FADS6: variants seen among roughly 807,000 people sequenced by gnomAD.
FADS6 encodes fatty acid desaturase 6, also known as fatty acid desaturase domain family, member 6.
FADS6 carries 28 observed loss-of-function variants against 31.7 expected under a neutral mutation model. That is an observed-to-expected ratio of 0.88 (90% CI 0.66 to 1.21). The LOEUF (loss-of-function observed/expected upper bound fraction) is 1.21. FADS6 is among the 50% of genes most tolerant of loss of function. FADS6 has a pLI of 0.00. For missense variants in FADS6, 494 were observed against 504.2 expected, an observed-to-expected ratio of 0.98 and a Z score of 0.19; for synonymous variants, 191 against 213.1, an observed-to-expected ratio of 0.90 and a Z score of 0.90.
In FADS6 at chr17:74,892,716, G is replaced by A. The variant is rs752678800; in HGVS notation, c.245-27C>T. ...TGCGTGGAGAGGAGGAAGAAGACGG[G>A]TCTTTCTCTAGCTCTGGGTGATCTG... is the stretch of plus-strand genomic sequence containing the variant. On this transcript the variant is annotated intron_variant, in intron 1 of 5. Coordinates refer to ENST00000612771, the MANE Select transcript of FADS6 (RefSeq NM_178128.6). The A allele has an allele frequency of 8.2e-6, 13 of 1,592,822 alleles. 1 individual carries two copies. The Admixed American group carries it at 2.3e-4, about 28-fold the overall frequency.
At position 74,881,239 on chromosome 17, in the gene FADS6, C is replaced by T; in HGVS notation, c.609G>A (p.Val203=). 6.3e-7 allele frequency: 1 copy of T among 1,598,880 alleles called. No homozygotes were observed. The highest frequency in any genetic ancestry group is 8.5e-7 in the Non-Finnish European group (1 of 1,173,370). ...PLVAVERLRK[V]ELGTALRTLA... ...GCGTCCGCAGGGCTGTCCCGAGCTCCACCTTCCTCAGCCGCTCTGCCATAG... is the reference window on the plus strand; with the variant it reads ...GCGTCCGCAGGGCTGTCCCGAGCTCTACCTTCCTCAGCCGCTCTGCCATAG... The change falls in exon 4 of 6, where the codon GTG becomes GTA. Residue 203 remains valine (V), a synonymous_variant. Coordinates refer to ENST00000612771, the MANE Select transcript of FADS6 (RefSeq NM_178128.6).
At chr17:74,889,870 CAAAAAAAAAA>C (rs59381032) in intron 2 of FADS6, among the ~76,000 whole-genome samples, 22 of 53,522 alleles carry the variant, frequency 4.1e-4, no homozygotes, top group Admixed American at 5.7e-4. Flanking sequence ...GACTCAGTCT[CAAAAAAAAAA>C]AAAAAAAAAA....
intron 2 of FADS6, among the ~76,000 whole-genome samples, chr17:74,888,081 T>G (rs1366147945): frequency 2.0e-5 from 3 of 151,710 alleles, no homozygotes; most frequent in Non-Finnish European, 4.4e-5. Flanking sequence ...TTCACAGTTA[T>G]GTCCCCAGCA....
At chr17:74,882,982 GC>G in intron 2 of FADS6, 1 of 693,346 alleles carries the variant, frequency 1.4e-6, no homozygotes, top group Non-Finnish European at 2.3e-6. Flanking sequence ...GTGCCAATCT[GC>G]CAGTGACTGC....
intron 1 of FADS6, among the ~76,000 whole-genome samples, chr17:74,892,960 T>A (rs1177724477): frequency 1.3e-5 from 2 of 152,014 alleles, no homozygotes; most frequent in Non-Finnish European, 2.9e-5. Context: ...GTACCATGGG[T>A]GTTCCAGACC....
intron 4 of FADS6, among the ~76,000 whole-genome samples, chr17:74,880,344 C>CATT (rs1454125358): frequency 4.0e-5 from 6 of 151,854 alleles, no homozygotes; most frequent in Non-Finnish European, 5.9e-5. Context: ...AAGCTCACTT[C>CATT]ATTATTATTA....
Position 74,879,568 on chromosome 17 carries a change from T to C in FADS6, c.796A>G (p.Met266Val). The C allele has an allele frequency of 3.1e-6, 5 of 1,612,504 alleles. No individual in the cohort carries two copies. Among genetic ancestry groups the C allele is most frequent in the Non-Finnish European group, 4.2e-6 (5 of 1,179,684 alleles). ...CGGGGCTTGTTGTCCCGGGAGAACA[T>C]GGGCAGTCCGATGTGCTGTGACAGA... The part of the protein sequence containing the change: ...VNIFQHIGLP[M>V]FSRDNKPRRI... Residue 266 changes from methionine to valine, a missense_variant, in exon 5 of 6, where the codon ATG becomes GTG. Physicochemically the swap from Met to Val is conservative, Grantham distance 21. Transcript: ENST00000612771.
chr17:74,888,147 CACACA>C (rs2038646201), intron 2 of FADS6, among the ~76,000 whole-genome samples: 2 of 93,974 alleles, frequency 2.1e-5, no homozygotes, highest in Non-Finnish European at 4.1e-5. Flanking sequence ...CACACACACA[CACACA>C]CACGCGCGCG....
chr17:74,876,834 C>T (rs2038511337), downstream of FADS6, among the ~76,000 whole-genome samples: 1 of 152,016 alleles, frequency 6.6e-6, no homozygotes, highest in Admixed American at 6.6e-5. Context: ...GGTGAGAGAC[C>T]CTGTTTTCAA....
At chr17:74,885,571 G>A (rs1057123200) in intron 2 of FADS6, among the ~76,000 whole-genome samples, 1 of 151,836 alleles carries the variant, frequency 6.6e-6, no homozygotes, top group Admixed American at 6.6e-5. Flanking sequence ...CCCCTCTGAC[G>A]ACCCTCAATC....
chr17:74,892,668 T>C lies in FADS6; in HGVS notation c.266A>G (p.Glu89Gly), dbSNP rs780401035. 1.9e-6 allele frequency: 3 copies of C among 1,612,698 alleles called. No individual in the cohort carries two copies. Among genetic ancestry groups the C allele is most frequent in the Non-Finnish European group, 2.5e-6 (3 of 1,179,428 alleles). ...LPAGFLCLRW[E>G]NALVFASGIT... ...GCCGGATGCAAAGACCAGGGCATTC[T>C]CCCAGCGCAGGCACAGGAAGCCTGC... The change falls in exon 2 of 6, where the codon GAG becomes GGG. Residue 89 changes from glutamate (E) to glycine (G), a missense_variant. This residue lies in a region of FADS6 where 454 missense variants were observed against 438.5 expected (regional missense o/e 1.04). Coordinates refer to ENST00000612771, the MANE Select transcript of FADS6 (RefSeq NM_178128.6).
intron 5 of FADS6, 31 bp from the exon 6 acceptor site, chr17:74,878,508 G>T: frequency 6.2e-7 from 1 of 1,610,546 alleles, no homozygotes; most frequent in South Asian, 1.1e-5. Flanking sequence ...GAGGGCCTAT[G>T]AGCAGGGGCT....
At chr17:74,892,759 C>G in intron 1 of FADS6, 70 bp from the exon 2 acceptor site, 1 of 1,451,032 alleles carries the variant, frequency 6.9e-7, no homozygotes, top group South Asian at 1.4e-5. Context: ...ATACCTCAAC[C>G]CTTACCCTGG....
rs1239824030 is a variant in FADS6 at position 74,882,888 on chromosome 17, AC to A, written c.412-179del. The A allele has an allele frequency of 2.7e-6, 4 of 1,463,048 alleles. No homozygotes were observed. In the African/African-American group the frequency reaches 5.6e-5, roughly 20 times the overall value. The allele number at this position is 1,463,048 out of a possible 1,614,324, so 90.6% of individuals were successfully genotyped here. ...CATCAACTCTCAGGTATCTATGACC[AC>A]GGAGTGGCAGCCAGTCAATACAATC... On this transcript the variant is annotated intron_variant, in intron 2 of 5. Transcript: ENST00000612771.
rs1385153723 is a variant in FADS6 at position 74,877,887 on chromosome 17, C to T, written c.*444G>A. On this transcript the variant is annotated 3_prime_UTR_variant, in exon 6 of 6. Coordinates refer to ENST00000612771, the MANE Select transcript of FADS6 (RefSeq NM_178128.6). ...GCCTGAAGGAAGCAATAGCCAAGGCCGTGTGGGGCTCTCCCAATGCCAGGG... is the reference window on the plus strand; with the variant it reads ...GCCTGAAGGAAGCAATAGCCAAGGCTGTGTGGGGCTCTCCCAATGCCAGGG... 45 of 989,116 alleles carry T rather than the reference C, an allele frequency of 4.5e-5. No homozygotes were observed. Among genetic ancestry groups the T allele is most frequent in the Admixed American group, 6.1e-5 (1 of 16,486 alleles). 61.3% of individuals were successfully genotyped at this position (989,116 alleles called of 1,614,324 possible).
intron 2 of FADS6, among the ~76,000 whole-genome samples, chr17:74,888,144 A>ACGCGCGCGCG (rs756023723): frequency 3.5e-5 from 4 of 113,824 alleles, no homozygotes; most frequent in Non-Finnish European, 7.0e-5. Flanking sequence ...ACACACACAC[A>ACGCGCGCGCG]CACACACACA....
At chr17:74,880,214 C>T (rs1447220659) in intron 4 of FADS6, among the ~76,000 whole-genome samples, 1 of 152,108 alleles carries the variant, frequency 6.6e-6, no homozygotes, top group Admixed American at 6.6e-5. Flanking sequence ...GAGCCCTGGC[C>T]TCCCGTGAGG....
At chr17:74,888,990 G>T (rs1346240944) in intron 2 of FADS6, among the ~76,000 whole-genome samples, 1 of 152,236 alleles carries the variant, frequency 6.6e-6, no homozygotes, top group African/African-American at 2.4e-5. Flanking sequence ...GTTATCAGTG[G>T]CAGGAGAGAA....
intron 2 of FADS6, among the ~76,000 whole-genome samples, chr17:74,891,221 AGAG>A (rs2038684805): frequency 6.8e-6 from 1 of 148,068 alleles, no homozygotes; most frequent in Admixed American, 6.9e-5. Flanking sequence ...TACTTTTAGT[AGAG>A]ATCAGGTTTC....
Sources: allele counts gnomAD v4.1 joint callset (sites outside exome capture counted in the v4.1 genomes callset), GRCh38; gene constraint gnomAD v4.1.1; regional missense constraint gnomAD v4.1.1; transcripts MANE v1.5; gene names NCBI Gene and HGNC (gene_info 2026-07-23, HGNC 2026-07-21).